GAK: variants seen among roughly 807,000 people sequenced by gnomAD.
The protein encoded by GAK is cyclin-G-associated kinase.
Under a neutral mutation model 143.9 loss-of-function variants are expected in GAK, and 79 were observed. That is an observed-to-expected ratio of 0.55 (90% CI 0.46 to 0.66). The LOEUF is 0.66. Among genes scored for constraint, GAK ranks in the 30% least tolerant of loss-of-function variants. GAK has a pLI of 0.00. For missense variants in GAK, 1,693 were observed against 1,779.7 expected, an observed-to-expected ratio of 0.95 and a Z score of 0.88; for synonymous variants, 881 against 765.5, an observed-to-expected ratio of 1.15 and a Z score of -2.49.
intron 23 of GAK, among the ~76,000 whole-genome samples, chr4:864,632 C>T (rs113265962): frequency 5.3e-5 from 8 of 152,082 alleles, no homozygotes; most frequent in African/African-American, 1.7e-4. Flanking sequence ...TGACAGGGCA[C>T]GGGGCGTCGC....
chr4:926,138 G>A (rs1044164324), intron 1 of GAK, among the ~76,000 whole-genome samples: 2 of 151,896 alleles, frequency 1.3e-5, no homozygotes, highest in Admixed American at 6.5e-5. Flanking sequence ...CTCCCCGAAC[G>A]TCTAATTCAC....
At chr4:873,632 C>T (rs1713181535) in intron 18 of GAK, among the ~76,000 whole-genome samples, 1 of 152,188 alleles carries the variant, frequency 6.6e-6, no homozygotes, top group Non-Finnish European at 1.5e-5. Flanking sequence ...CATGTCACTG[C>T]CCTCGCCCCT....
chr4:927,032 T>C (rs1182638171), intron 1 of GAK, among the ~76,000 whole-genome samples: 6 of 29,894 alleles, frequency 2.0e-4, no homozygotes, highest in Admixed American at 3.2e-4. Context: ...CCCGCACCCC[T>C]CCCCGCTCAC....
intron 9 of GAK, among the ~76,000 whole-genome samples, chr4:892,653 A>T (rs1717903541): frequency 6.6e-6 from 1 of 152,160 alleles, no homozygotes; most frequent in African/African-American, 2.4e-5. Context: ...CAGCCCTGAC[A>T]CAACTGCAAC....
At chr4:908,792 A>T (rs1043932771) in intron 4 of GAK, among the ~76,000 whole-genome samples, 3 of 152,334 alleles carry the variant, frequency 2.0e-5, no homozygotes, top group Middle Eastern at 3.4e-3. Context: ...TCCAAAAAAA[A>T]TACGCCTGAT....
intron 24 of GAK, among the ~76,000 whole-genome samples, chr4:856,609 C>CACAGGTGCTCACACCTGCT (rs1749312899): frequency 7.7e-6 from 1 of 129,608 alleles, no homozygotes; most frequent in Non-Finnish European, 1.8e-5. Flanking sequence ...CAGCTGCTCA[C>CACAGGTGCTCACACCTGCT]CACAGGTGCT....
intron 3 of GAK, chr4:912,375 C>T (rs1722201843): frequency 2.2e-5 from 8 of 369,250 alleles, no homozygotes; most frequent in South Asian, 1.7e-4. Flanking sequence ...CCTGTGGGAG[C>T]CAGGCCATCT....
chr4:896,437 CA>C (rs1010227994), intron 7 of GAK, 22 bp downstream of exon 7: 1 of 1,603,292 alleles, frequency 6.2e-7, no homozygotes, highest in African/African-American at 1.3e-5. Context: ...CAGGCACTGC[CA>C]CTGAGAGGCG....
Position 924,921 on chromosome 4 carries a change from G to A in GAK, c.145+7122C>T, listed in dbSNP as rs182396251. ...GAGTTCCCCCAGGGGCTGCTCTCAG[G>A]ATAGTGAGTGCTCTCCTGTGAGATC... is the stretch of plus-strand genomic sequence containing the variant. On this transcript the variant is annotated intron_variant, in intron 1 of 27. Coordinates refer to ENST00000314167, the MANE Select transcript of GAK (RefSeq NM_005255.4). 9.6e-3 allele frequency among the ~76,000 whole-genome samples: 1,466 copies of A among 152,158 alleles called. 8 individuals carry two copies. The highest frequency in any genetic ancestry group is 0.014 in the Non-Finnish European group (965 of 67,974).
chr4:907,334 C>G (rs897503506), intron 4 of GAK, among the ~76,000 whole-genome samples: 1 of 152,182 alleles, frequency 6.6e-6, no homozygotes, highest in Admixed American at 6.5e-5. Flanking sequence ...ACAGCTCCCT[C>G]AAAAGCTTTG....
At chr4:906,547 G>A (rs994828474) in intron 4 of GAK, among the ~76,000 whole-genome samples, 6 of 152,158 alleles carry the variant, frequency 3.9e-5, no homozygotes, top group African/African-American at 1.4e-4. Context: ...CCACAGACGT[G>A]CAGACCCAAC....
chr4:865,434 G>C (rs1293959652), intron 22 of GAK, among the ~76,000 whole-genome samples, 190 bp from the exon 23 acceptor site: 1 of 151,912 alleles, frequency 6.6e-6, no homozygotes, highest in African/African-American at 2.4e-5. Flanking sequence ...AGAACTGAGC[G>C]AGTGGACGTA....
intron 4 of GAK, among the ~76,000 whole-genome samples, chr4:905,730 G>A (rs149944982): frequency 1.8e-3 from 273 of 152,106 alleles, no homozygotes; most frequent in Middle Eastern, 0.014. Context: ...GCCATGCTAC[G>A]GACTCCGCCA....
rs1747692138 is a variant in GAK at position 849,602 on chromosome 4, CG to C, written c.*70del. 7.9e-7 allele frequency: 1 copy of C among 1,268,462 alleles called. No individual in the cohort carries two copies. The highest frequency in any genetic ancestry group is 1.1e-6 in the Non-Finnish European group (1 of 885,448). The allele number at this position is 1,268,462 out of a possible 1,614,324, so 78.6% of individuals were successfully genotyped here. A position where few individuals can be genotyped will look rare whatever the true frequency, so the allele number is the denominator to read the frequency against. On this transcript the variant is annotated 3_prime_UTR_variant, in exon 28 of 28. Coordinates refer to ENST00000314167, the MANE Select transcript of GAK (RefSeq NM_005255.4). ...CCTGCTGTCGCCCACGGGGTCCTCA[CG>C]GTGGGGACCCAGGTCCCACGACGGC...
intron 24 of GAK, among the ~76,000 whole-genome samples, chr4:854,109 A>G (rs1319510358): frequency 7.4e-6 from 1 of 135,980 alleles, no homozygotes; most frequent in Non-Finnish European, 1.6e-5. Context: ...TCTCTCGCCC[A>G]TTTTCTTTCT....
chr4:897,537 A>C (rs1416899820), intron 6 of GAK, among the ~76,000 whole-genome samples: 1 of 152,198 alleles, frequency 6.6e-6, no homozygotes, highest in African/African-American at 2.4e-5. Flanking sequence ...TGGGAAAAGA[A>C]GCTTCGGAGG....
chr4:903,341 C>T (rs576846986), intron 5 of GAK, among the ~76,000 whole-genome samples: 137 of 152,314 alleles, frequency 9.0e-4, no homozygotes, highest in South Asian at 3.1e-3. Context: ...TGCCGGTGAA[C>T]GGAAGGGGAG....
At chr4:859,368 G>T in intron 24 of GAK, 1 of 1,464,350 alleles carries the variant, frequency 6.8e-7, no homozygotes. Context: ...GCACCACAAT[G>T]CCGGTGGGGG....
At chr4:911,808 G>C in intron 3 of GAK, 21 bp from the exon 4 acceptor site, 1 of 1,566,720 alleles carries the variant, frequency 6.4e-7, no homozygotes, top group Non-Finnish European at 8.8e-7. Flanking sequence ...CTTGTTAAAG[G>C]AGAACGTACA....
Sources: allele counts gnomAD v4.1 joint callset (sites outside exome capture counted in the v4.1 genomes callset), GRCh38; gene constraint gnomAD v4.1.1; transcripts MANE v1.5; gene names NCBI Gene and HGNC (gene_info 2026-07-23, HGNC 2026-07-21).